BCCIP: variants seen among roughly 807,000 people sequenced by gnomAD.
The protein encoded by BCCIP is BRCA2 and CDKN1A-interacting protein.
A neutral mutation model predicts 32.8 loss-of-function variants in BCCIP; 23 were observed. That is an observed-to-expected ratio of 0.70 (90% confidence interval 0.51 to 0.99). BCCIP has a LOEUF of 0.99. Ranked by LOEUF, BCCIP falls within the 50% of genes least tolerant of loss-of-function variation. BCCIP has a pLI of 0.00. For synonymous variants in BCCIP, 144 were observed against 137.6 expected (o/e 1.05, Z -0.33); for missense variants, 378 against 379.8 (o/e 1.00, Z 0.04).
chr10:125,844,237 TAAAC>T (rs1854953924), downstream of BCCIP, among the ~76,000 whole-genome samples: 1 of 152,214 alleles, frequency 6.6e-6, no homozygotes, highest in Non-Finnish European at 1.5e-5. Flanking sequence ...ATAAGCATCT[TAAAC>T]AGAGCAGGAA....
At chr10:125,833,607 G>C (rs1211414033) in intron 5 of BCCIP, among the ~76,000 whole-genome samples, 165 bp from the exon 6 acceptor site, 4 of 152,196 alleles carry the variant, frequency 2.6e-5, no homozygotes, top group African/African-American at 7.2e-5. Flanking sequence ...AAATGCAACT[G>C]ATTATGTAAA....
At chr10:125,828,827 T>C (rs1248485794) in intron 3 of BCCIP, among the ~76,000 whole-genome samples, 1 of 152,164 alleles carries the variant, frequency 6.6e-6, no homozygotes, top group Non-Finnish European at 1.5e-5. Flanking sequence ...TGGGGTGGCT[T>C]GACTAGGGGC....
chr10:125,843,863 A>G (rs1271479864), downstream of BCCIP, among the ~76,000 whole-genome samples: 1 of 152,238 alleles, frequency 6.6e-6, no homozygotes, highest in Non-Finnish European at 1.5e-5. Context: ...AAACCACCCA[A>G]GGGAAATCTG....
downstream of BCCIP, among the ~76,000 whole-genome samples, chr10:125,846,186 C>G (rs1477834455): frequency 6.6e-6 from 1 of 152,202 alleles, no homozygotes; most frequent in South Asian, 2.1e-4. Context: ...CTCCCAGTAA[C>G]TGTTCTTACA....
intron 7 of BCCIP, among the ~76,000 whole-genome samples, chr10:125,849,497 T>C (rs762595606): frequency 7.2e-5 from 11 of 152,236 alleles, no homozygotes; most frequent in Non-Finnish European, 1.0e-4. Flanking sequence ...CATCTGAGTA[T>C]AGTAGTAACT....
Position 125,827,544 on chromosome 10 carries a change from T to C in BCCIP, c.241-14T>C. 1 of 1,556,536 alleles carries C rather than the reference T, an allele frequency of 6.4e-7. No individual in the cohort carries two copies. Among genetic ancestry groups the C allele is most frequent in the Non-Finnish European group, 8.8e-7 (1 of 1,133,452 alleles). ...CTTTGATCTTAATTTAAAATAATTT[T>C]TTCCTCCTTTTAGCTTTTTCTAAAG... On this transcript the variant is annotated splice_polypyrimidine_tract_variant and intron_variant, in intron 2 of 6. Coordinates refer to ENST00000278100, the MANE Select transcript of BCCIP (RefSeq NM_078468.3).
intron 2 of BCCIP, among the ~76,000 whole-genome samples, 171 bp from the exon 3 acceptor site, chr10:125,827,387 A>G (rs1854423169): frequency 6.6e-6 from 1 of 151,542 alleles, no homozygotes; most frequent in Admixed American, 6.6e-5. Flanking sequence ...GAAATTTCCT[A>G]ATCTTTAGCT....
downstream of BCCIP, chr10:125,836,899 TG>T: frequency 6.4e-7 from 1 of 1,573,584 alleles, no homozygotes; most frequent in Non-Finnish European, 8.7e-7. Context: ...GTGGGGAAGG[TG>T]GTGAGAGACA....
At chr10:125,853,185 G>T in exon 8 of BCCIP, 1 of 1,613,158 alleles carries the variant, frequency 6.2e-7, no homozygotes, top group Non-Finnish European at 8.5e-7. Flanking sequence ...ATTCAATCAA[G>T]ATCAACTCTA....
rs369497635 is a variant in BCCIP at position 125,827,592 on chromosome 10, T to C, written c.275T>C (p.Leu92Pro). The change falls in exon 3 of 7, where the codon CTA becomes CCA. Residue 92 changes from leucine (L) to proline (P), a missense_variant. Transcript: ENST00000278100. Reference protein sequence around the residue: ...FLKAPVNTAELTDLLIQQNHI... With the variant: ...FLKAPVNTAEPTDLLIQQNHI... ...AAGGCTCCTGTGAACACTGCAGAAC[T>C]AACAGATCTCTTAATTCAACAGAAC... 8 of 1,613,128 alleles carry C rather than the reference T, an allele frequency of 5.0e-6. No homozygotes were observed. The African/African-American group carries it at 1.1e-4, about 22-fold the overall frequency.
At chr10:125,840,422 G>C (rs1349967306), downstream of BCCIP, among the ~76,000 whole-genome samples, 4 of 152,204 alleles carry the variant, frequency 2.6e-5, no homozygotes, top group Non-Finnish European at 5.9e-5. Flanking sequence ...CTAGTATCTG[G>C]AGCTCTGCAG....
Position 125,836,386 on chromosome 10 carries a change from T to C in BCCIP, c.*112T>C. The C allele has an allele frequency of 6.4e-7, 1 of 1,551,760 alleles. No individual in the cohort carries two copies. The highest frequency in any genetic ancestry group is 2.1e-5 in the Admixed American group (1 of 47,920). ...TCAGATTAAGTTCCTCTACAAAAAGTAGGGTTCTGTCCCATGTGTCTCTGA... is the reference window on the plus strand; with the variant it reads ...TCAGATTAAGTTCCTCTACAAAAAGCAGGGTTCTGTCCCATGTGTCTCTGA... On this transcript the variant is annotated 3_prime_UTR_variant, in exon 7 of 7. Coordinates refer to ENST00000278100, the MANE Select transcript of BCCIP (RefSeq NM_078468.3).
At chr10:125,847,902 G>T (rs978316854) in intron 7 of BCCIP, among the ~76,000 whole-genome samples, 1 of 152,156 alleles carries the variant, frequency 6.6e-6, no homozygotes, top group Admixed American at 6.5e-5. Context: ...GATCTGACAG[G>T]AGGTGGAGCT....
chr10:125,832,204 A>T (rs1024613965), intron 5 of BCCIP, among the ~76,000 whole-genome samples: 3 of 145,064 alleles, frequency 2.1e-5, no homozygotes, highest in Non-Finnish European at 3.0e-5. Context: ...TCTAATTTAA[A>T]TTTTTTTTTT....
At chr10:125,834,767 C>T (rs1423553272) in intron 6 of BCCIP, among the ~76,000 whole-genome samples, 1 of 150,406 alleles carries the variant, frequency 6.6e-6, no homozygotes, top group African/African-American at 2.5e-5. Context: ...GCCGAGATCG[C>T]GCCACTGCAC....
At chr10:125,843,955 C>A (rs530012711), downstream of BCCIP, among the ~76,000 whole-genome samples, 4 of 152,276 alleles carry the variant, frequency 2.6e-5, no homozygotes, top group South Asian at 8.3e-4. Context: ...TTTCCCTATT[C>A]TGAATGTTTT....
In BCCIP at chr10:125,836,506, A is replaced by G. The variant is rs1009884503; in HGVS notation, c.*232A>G. On this transcript the variant is annotated 3_prime_UTR_variant, in exon 7 of 7. Transcript: ENST00000278100. ...AAGAAGAAGAAAAGCATGGAGTAGT[A>G]ATTTAAAGAACTCAATAAAAACTTC... 1.3e-5 allele frequency: 18 copies of G among 1,357,890 alleles called. No individual in the cohort carries two copies. Among genetic ancestry groups the G allele is most frequent in the Middle Eastern group, 2.7e-4 (1 of 3,764 alleles). 84.1% of individuals were successfully genotyped at this position (1,357,890 alleles called of 1,614,324 possible).
intron 2 of BCCIP, among the ~76,000 whole-genome samples, chr10:125,827,075 C>T (rs1435101196): frequency 6.7e-6 from 1 of 149,578 alleles, no homozygotes; most frequent in Non-Finnish European, 1.5e-5. Context: ...CTATCCTCTC[C>T]ACCTTGCCTG....
chr10:125,841,426 T>C (rs1165510546), downstream of BCCIP: 1 of 1,581,250 alleles, frequency 6.3e-7, no homozygotes, highest in Non-Finnish European at 8.6e-7. Context: ...CAACATTATT[T>C]GGGGAAAAAC....
Sources: gnomAD v4.1 joint callset for allele counts (sites outside exome capture counted in the v4.1 genomes callset) on GRCh38, gnomAD v4.1.1 for gene constraint, MANE v1.5 for transcripts, NCBI Gene and HGNC (gene_info 2026-07-23, HGNC 2026-07-21) for gene names.